ADGRB3: variants seen among roughly 807,000 people sequenced by gnomAD.
ADGRB3 encodes adhesion G protein-coupled receptor B3, also known as brain-specific angiogenesis inhibitor 3.
ADGRB3 carries 37 observed loss-of-function variants against 193.4 expected under a neutral mutation model. The observed-to-expected ratio is 0.19, with a 90% confidence interval of 0.15 to 0.25. ADGRB3 has a LOEUF of 0.25. Ranked by LOEUF, ADGRB3 falls within the 10% of genes least tolerant of loss-of-function variation. The pLI, the probability that ADGRB3 is intolerant of heterozygous loss-of-function variation, is 1.00. For missense variants in ADGRB3, 1,637 were observed against 1,852.9 expected (o/e 0.88, Z 2.14); for synonymous variants, 690 against 644.2 (o/e 1.07, Z -1.08).
chr6:68,784,841 G>A (rs1010900203), intron 3 of ADGRB3, among the ~76,000 whole-genome samples: 1 of 152,090 alleles, frequency 6.6e-6, no homozygotes, highest in Non-Finnish European at 1.5e-5. Context: ...AAAGTAGAAA[G>A]AATTCTTGAT....
chr6:69,010,157 C>T (rs373002139), intron 11 of ADGRB3, among the ~76,000 whole-genome samples: 217 of 152,182 alleles, frequency 1.4e-3, no homozygotes, highest in Middle Eastern at 0.014. Context: ...GATCATGCCT[C>T]TTTGACCTTT....
chr6:68,982,231 A>G (rs1768939138), intron 10 of ADGRB3, among the ~76,000 whole-genome samples: 1 of 152,076 alleles, frequency 6.6e-6, no homozygotes, highest in South Asian at 2.1e-4. Context: ...GCCACTTTTC[A>G]TATCCGGTAA....
chr6:68,854,538 T>A (rs505369), intron 3 of ADGRB3, among the ~76,000 whole-genome samples: 67,914 of 151,728 alleles, frequency 0.45, 16,523 homozygotes, highest in East Asian at 0.6. Flanking sequence ...ATCTAAAAAA[T>A]TTTTTTTTGG....
At chr6:69,005,694 G>C (rs969520019) in intron 11 of ADGRB3, among the ~76,000 whole-genome samples, 1 of 152,124 alleles carries the variant, frequency 6.6e-6, no homozygotes, top group African/African-American at 2.4e-5. Flanking sequence ...GGGAAAGCAA[G>C]GACAGACCAG....
intron 3 of ADGRB3, among the ~76,000 whole-genome samples, chr6:68,725,475 G>C (rs1298126046): frequency 1.3e-5 from 2 of 151,644 alleles, no homozygotes; most frequent in African/African-American, 4.8e-5. Flanking sequence ...ATATTACCCA[G>C]AATGAGATGT....
intron 17 of ADGRB3, among the ~76,000 whole-genome samples, chr6:69,216,370 A>G (rs1765772371): frequency 6.6e-6 from 1 of 152,230 alleles, no homozygotes; most frequent in Non-Finnish European, 1.5e-5. Flanking sequence ...AAGCCAAGTA[A>G]TGTAATTTGA....
intron 3 of ADGRB3, among the ~76,000 whole-genome samples, chr6:68,761,065 T>G (rs895958618): frequency 2.6e-5 from 4 of 152,210 alleles, no homozygotes; most frequent in African/African-American, 4.8e-5. Flanking sequence ...CCTTTCCTGC[T>G]GCCTCCTCCA....
intron 3 of ADGRB3, among the ~76,000 whole-genome samples, chr6:68,895,782 T>A (rs961948123): frequency 1.2e-4 from 19 of 152,068 alleles, no homozygotes; most frequent in Non-Finnish European, 1.3e-4. Context: ...CACATAGTGT[T>A]TTTTTTTCCT....
At chr6:69,146,033 C>T (rs751382889) in intron 17 of ADGRB3, among the ~76,000 whole-genome samples, 21 of 152,148 alleles carry the variant, frequency 1.4e-4, no homozygotes, top group Non-Finnish European at 2.5e-4. Context: ...TTAGGCCTTC[C>T]CCAGCTTGAA....
intron 17 of ADGRB3, among the ~76,000 whole-genome samples, chr6:69,202,452 C>T (rs1333752390): frequency 6.6e-6 from 1 of 151,838 alleles, no homozygotes; most frequent in Admixed American, 6.6e-5. Flanking sequence ...ACCCACTCCA[C>T]TTGAAAGAGA....
At chr6:68,749,735 C>G (rs1442226649) in intron 3 of ADGRB3, among the ~76,000 whole-genome samples, 2 of 151,970 alleles carry the variant, frequency 1.3e-5, no homozygotes, top group East Asian at 3.9e-4. Flanking sequence ...AAAAAAAGAA[C>G]ACCATTGCAT....
At chr6:68,873,690 A>C (rs2150221024) in intron 3 of ADGRB3, among the ~76,000 whole-genome samples, 2 of 152,268 alleles carry the variant, frequency 1.3e-5, no homozygotes, top group South Asian at 4.1e-4. Flanking sequence ...CAACAATGAA[A>C]AGTGTACGAT....
intron 3 of ADGRB3, among the ~76,000 whole-genome samples, chr6:68,905,705 C>T (rs1377503534): frequency 6.6e-6 from 1 of 152,134 alleles, no homozygotes; most frequent in African/African-American, 2.4e-5. Flanking sequence ...CTCCTTGCTT[C>T]ACAGCAGTTC....
At chr6:69,237,687 A>G (rs1488386366) in intron 19 of ADGRB3, among the ~76,000 whole-genome samples, 8 of 152,052 alleles carry the variant, frequency 5.3e-5, no homozygotes, top group Non-Finnish European at 1.0e-4. Flanking sequence ...AAAAAGTTTC[A>G]CTAAAACCCT....
intron 3 of ADGRB3, among the ~76,000 whole-genome samples, chr6:68,676,966 C>G (rs941422621): frequency 6.6e-6 from 1 of 152,132 alleles, no homozygotes; most frequent in African/African-American, 2.4e-5. Flanking sequence ...AACACAGTTA[C>G]TCAGGAGCCA....
chr6:68,876,139 G>GACAC (rs1327371940), intron 3 of ADGRB3, among the ~76,000 whole-genome samples: 1 of 152,070 alleles, frequency 6.6e-6, no homozygotes, highest in East Asian at 1.9e-4. Context: ...CAATCAGACA[G>GACAC]ACACAGTCTC....
chr6:69,256,663 A>G (rs1766779283), intron 20 of ADGRB3, among the ~76,000 whole-genome samples: 2 of 152,146 alleles, frequency 1.3e-5, no homozygotes, highest in African/African-American at 2.4e-5. Context: ...GGACAATTTG[A>G]CTGCCTCTTT....
At chr6:69,164,657 C>T (rs778292063) in intron 17 of ADGRB3, among the ~76,000 whole-genome samples, 5 of 152,006 alleles carry the variant, frequency 3.3e-5, no homozygotes, top group Non-Finnish European at 7.4e-5. Context: ...GGCCACCAGG[C>T]AAGGGACAAT....
intron 3 of ADGRB3, among the ~76,000 whole-genome samples, chr6:68,786,536 A>G (rs923020782): frequency 1.4e-4 from 21 of 152,188 alleles, no homozygotes; most frequent in Admixed American, 7.9e-4. Context: ...TACCAGTACC[A>G]TGCTGTTTTG....
Sources: gnomAD v4.1 joint callset for allele counts (sites outside exome capture counted in the v4.1 genomes callset) on GRCh38, gnomAD v4.1.1 for gene constraint, MANE v1.5 for transcripts, NCBI Gene and HGNC (gene_info 2026-07-23, HGNC 2026-07-21) for gene names.